TANC2: variants seen among roughly 807,000 people sequenced by gnomAD.
TANC2 encodes the protein protein TANC2.
Under a neutral mutation model 210.5 loss-of-function variants are expected in TANC2, and 26 were observed. That is an observed-to-expected ratio of 0.12 (90% CI 0.09 to 0.17). The LOEUF is 0.17. TANC2 is among the 10% of genes least tolerant of loss of function. TANC2 has a pLI of 1.00. For synonymous variants in TANC2, 931 were observed against 967.1 expected, an observed-to-expected ratio of 0.96 and a Z score of 0.69; for missense variants, 2,129 against 2,608.9, an observed-to-expected ratio of 0.82 and a Z score of 4.01.
intron 4 of TANC2, among the ~76,000 whole-genome samples, chr17:63,127,059 C>G (rs548746590): frequency 1.3e-5 from 2 of 152,118 alleles, no homozygotes; most frequent in Non-Finnish European, 2.9e-5. Flanking sequence ...TTTTAAGTAC[C>G]AAAAAATGGA....
intron 8 of TANC2, among the ~76,000 whole-genome samples, chr17:63,261,704 A>G (rs2043361983): frequency 6.6e-6 from 1 of 152,242 alleles, no homozygotes; most frequent in Non-Finnish European, 1.5e-5. Flanking sequence ...TTCTCCAGTA[A>G]CCTTAACAAT....
At chr17:63,087,133 A>C (rs1017049299) in intron 3 of TANC2, among the ~76,000 whole-genome samples, 2 of 152,190 alleles carry the variant, frequency 1.3e-5, no homozygotes, top group African/African-American at 4.8e-5. Context: ...TGAGACCACA[A>C]ACCCATCGGA....
chr17:63,019,296 C>T (rs1416830292), intron 2 of TANC2, among the ~76,000 whole-genome samples: 3 of 152,246 alleles, frequency 2.0e-5, no homozygotes, highest in African/African-American at 7.2e-5. Flanking sequence ...TGACTCACTG[C>T]AACCTCTGCC....
In TANC2 at chr17:63,411,674, C is replaced by T. The variant is rs760915681; in HGVS notation, c.3753C>T (p.Gly1251=). Residue 1251 remains glycine (G), a synonymous_variant, in exon 22 of 28, where the codon GGC becomes GGT. Transcript: ENST00000689528. Reference sequence around the variant, plus strand: ...CACTGGATCTGGCAGCTTTCTATGGCGATGCTGAGGTGGTAAGTACCTTTA... The same window carrying T: ...CACTGGATCTGGCAGCTTTCTATGGTGATGCTGAGGTGGTAAGTACCTTTA... 1.4e-5 allele frequency: 22 copies of T among 1,611,696 alleles called. No individual in the cohort carries two copies. Among genetic ancestry groups the T allele is most frequent in the Middle Eastern group, 1.6e-4 (1 of 6,078 alleles).
At chr17:63,250,967 A>G (rs1371226649) in intron 8 of TANC2, among the ~76,000 whole-genome samples, 1 of 152,162 alleles carries the variant, frequency 6.6e-6, no homozygotes, top group East Asian at 1.9e-4. Context: ...AAGCATTAAG[A>G]AAGCAAAACA....
At chr17:63,167,840 G>A (rs1189903511) in intron 5 of TANC2, among the ~76,000 whole-genome samples, 6 of 124,738 alleles carry the variant, frequency 4.8e-5, no homozygotes, top group Admixed American at 1.0e-4. Flanking sequence ...AGCCGAGATC[G>A]CACCACTGCA....
intron 2 of TANC2, among the ~76,000 whole-genome samples, chr17:63,044,268 C>T (rs1403584277): frequency 6.6e-6 from 1 of 152,230 alleles, no homozygotes; most frequent in Admixed American, 6.5e-5. Context: ...ATGTTTGAAT[C>T]TCCTTTATCA....
intron 8 of TANC2, among the ~76,000 whole-genome samples, chr17:63,254,493 T>G (rs935367594): frequency 6.6e-6 from 1 of 152,210 alleles, no homozygotes; most frequent in Non-Finnish European, 1.5e-5. Flanking sequence ...TTGCTCTAGC[T>G]GGGACTTCCA....
intron 4 of TANC2, among the ~76,000 whole-genome samples, chr17:63,109,565 C>T (rs886686408): frequency 5.9e-5 from 9 of 151,528 alleles, no homozygotes; most frequent in African/African-American, 9.8e-5. Flanking sequence ...ATTTTACAGG[C>T]GAGTTTTAGC....
At chr17:63,117,372 T>G (rs778081700) in intron 4 of TANC2, among the ~76,000 whole-genome samples, 4 of 152,192 alleles carry the variant, frequency 2.6e-5, no homozygotes, top group African/African-American at 7.2e-5. Context: ...AACCTATATT[T>G]GCTGCAGTAT....
intron 9 of TANC2, among the ~76,000 whole-genome samples, chr17:63,292,971 G>C (rs1334711533): frequency 6.6e-6 from 1 of 152,058 alleles, no homozygotes; most frequent in East Asian, 1.9e-4. Context: ...ATGCTTCCCT[G>C]CTCACCCAAA....
intron 4 of TANC2, among the ~76,000 whole-genome samples, chr17:63,117,828 T>A (rs1235048662): frequency 6.6e-6 from 1 of 152,238 alleles, no homozygotes; most frequent in Non-Finnish European, 1.5e-5. Context: ...TACTTTGTTC[T>A]TTATAGAAAA....
At chr17:63,195,569 G>C (rs1423386823) in intron 6 of TANC2, among the ~76,000 whole-genome samples, 3 of 152,138 alleles carry the variant, frequency 2.0e-5, no homozygotes, top group African/African-American at 7.2e-5. Flanking sequence ...AGGCTGGAAG[G>C]CTGGGATTTT....
intron 2 of TANC2, among the ~76,000 whole-genome samples, chr17:63,013,087 GTC>G (rs1305907666): frequency 6.7e-6 from 1 of 150,360 alleles, no homozygotes; most frequent in African/African-American, 2.4e-5. Flanking sequence ...AAGAGATGGG[GTC>G]TCTCTTTGTT....
intron 3 of TANC2, among the ~76,000 whole-genome samples, chr17:63,095,676 G>T (rs532852355): frequency 1.3e-5 from 2 of 152,230 alleles, no homozygotes; most frequent in Non-Finnish European, 2.9e-5. Flanking sequence ...CTGACTCAGA[G>T]TCAGTCTGAA....
intron 1 of TANC2, among the ~76,000 whole-genome samples, chr17:62,990,869 G>C (rs1568299975): frequency 6.6e-6 from 1 of 152,060 alleles, no homozygotes; most frequent in Non-Finnish European, 1.5e-5. Context: ...ATTTTTCTTT[G>C]TGTTATGGAA....
intron 8 of TANC2, among the ~76,000 whole-genome samples, chr17:63,245,339 C>A (rs1378297602): frequency 6.6e-6 from 1 of 152,178 alleles, no homozygotes; most frequent in Non-Finnish European, 1.5e-5. Context: ...AAGACTCTCA[C>A]ATGTATAAAA....
At position 63,380,093 on chromosome 17, in the gene TANC2, A is replaced by G. The variant is rs528179394; in HGVS notation, c.2691+267A>G. The stretch of plus-strand genomic sequence containing the variant: ...ATATACACCTATAGATGTGTGCTCC[A>G]TACATGACCTATCATCTCCTGAGGA... On this transcript the variant is annotated intron_variant, in intron 15 of 27. Coordinates refer to ENST00000689528, the Ensembl canonical transcript of TANC2. 2.1e-3 allele frequency among the ~76,000 whole-genome samples: 314 copies of G among 152,344 alleles called. 3 individuals are homozygous for G. Among genetic ancestry groups the G allele is most frequent in the African/African-American group, 7.0e-3 (290 of 41,582 alleles).
chr17:62,968,682 G>T (rs1462392608), intron 1 of TANC2: 1 of 152,122 alleles, frequency 6.6e-6, no homozygotes, highest in Non-Finnish European at 1.5e-5. Context: ...CTTGTGTAAG[G>T]GAAGAAATTG....
Sources: allele counts gnomAD v4.1 joint callset (sites outside exome capture counted in the v4.1 genomes callset), GRCh38; gene constraint gnomAD v4.1.1; transcripts MANE v1.5; gene names NCBI Gene and HGNC (gene_info 2026-07-23, HGNC 2026-07-21).